FMN1: variants seen among roughly 807,000 people sequenced by gnomAD.
FMN1 encodes formin 1.
Under a neutral mutation model 132.4 loss-of-function variants are expected in FMN1, and 110 were observed. The ratio of observed to expected loss-of-function variants is 0.83; its 90% CI spans 0.71 to 0.97. The LOEUF (loss-of-function observed/expected upper bound fraction) is 0.97, where lower values mean the gene tolerates loss of function less well. Ranked by LOEUF, FMN1 falls within the 50% of genes least tolerant of loss-of-function variation. The pLI is 0.00. For missense variants in FMN1, 1,792 were observed against 1,705.3 expected (o/e 1.05, Z -0.90); for synonymous variants, 722 against 651.7 (o/e 1.11, Z -1.64).
intron 7 of FMN1, among the ~76,000 whole-genome samples, chr15:33,000,441 T>A (rs1460775126): frequency 9.0e-6 from 1 of 111,304 alleles, no homozygotes; most frequent in Non-Finnish European, 1.8e-5. Context: ...AGAGCCAGAC[T>A]CCATCTCAGG....
chr15:33,034,591 C>T (rs2036103354), intron 6 of FMN1, among the ~76,000 whole-genome samples: 1 of 151,950 alleles, frequency 6.6e-6, no homozygotes, highest in South Asian at 2.1e-4. Context: ...CAAATAAAAC[C>T]CCTGATGTCA....
At chr15:32,874,866 T>G (rs1374546598) in intron 16 of FMN1, among the ~76,000 whole-genome samples, 2 of 152,156 alleles carry the variant, frequency 1.3e-5, no homozygotes, top group African/African-American at 2.4e-5. Context: ...ACCCGGAGAT[T>G]TGATGACACT....
At chr15:32,872,301 C>T (rs1282870381) in intron 16 of FMN1, among the ~76,000 whole-genome samples, 1 of 152,186 alleles carries the variant, frequency 6.6e-6, no homozygotes, top group African/African-American at 2.4e-5. Context: ...CATATAGAGC[C>T]TATATTTTGG....
intron 6 of FMN1, among the ~76,000 whole-genome samples, chr15:33,033,124 G>A (rs1015313580): frequency 6.6e-6 from 1 of 151,948 alleles, no homozygotes; most frequent in Non-Finnish European, 1.5e-5. Context: ...TCTGCCTCCT[G>A]GGTTCACGCC....
At position 33,153,114 on chromosome 15, in the gene FMN1, C is replaced by G. The variant is rs1483924025; in HGVS notation, c.1801G>C (p.Glu601Gln). 6.5e-7 allele frequency: 1 copy of G among 1,536,022 alleles called. No individual in the cohort carries two copies. ...RAGQPRLVPG[E>Q]TLEKSLGPGK... ...GGCCCCAAGCTCTTTTCCAAAGTTT[C>G]CCCAGGCACCAACCGAGGTTGGCCT... is the stretch of plus-strand genomic sequence containing the variant. Residue 601 changes from glutamate to glutamine, a missense_variant, in exon 4 of 21, where the codon GAA becomes CAA. Glu to Gln is a conservative substitution (Grantham distance 29, BLOSUM62 2). Around this residue, in one of 3 missense-constraint regions of FMN1, gnomAD observed 1,150 missense variants for 1,043.1 expected, o/e 1.10. Transcript: ENST00000616417.
intron 9 of FMN1, among the ~76,000 whole-genome samples, chr15:32,939,505 T>C (rs897251611): frequency 6.6e-6 from 1 of 152,222 alleles, no homozygotes; most frequent in African/African-American, 2.4e-5. Flanking sequence ...TGAATGCTTT[T>C]TTAGAATCAT....
intron 6 of FMN1, among the ~76,000 whole-genome samples, 196 bp from the exon 7 acceptor site, chr15:33,008,271 C>T (rs997049327): frequency 1.3e-5 from 2 of 151,558 alleles, no homozygotes; most frequent in African/African-American, 2.4e-5. Context: ...TTTTAGCAAA[C>T]GCTGAATTAC....
At chr15:32,968,441 CTT>C (rs1474517601) in intron 8 of FMN1, among the ~76,000 whole-genome samples, 1 of 152,170 alleles carries the variant, frequency 6.6e-6, no homozygotes, top group Non-Finnish European at 1.5e-5. Flanking sequence ...GATCCGGACT[CTT>C]GTCTAGTCTG....
At chr15:32,817,510 C>T (rs2058091345) in intron 17 of FMN1, among the ~76,000 whole-genome samples, 2 of 152,080 alleles carry the variant, frequency 1.3e-5, no homozygotes, top group Admixed American at 1.3e-4. Flanking sequence ...CTGATGTTAC[C>T]AAGTATCTAG....
At chr15:32,983,659 ATC>A (rs150175203) in intron 7 of FMN1, among the ~76,000 whole-genome samples, 2,068 of 152,310 alleles carry the variant, frequency 0.014, 27 homozygotes, top group Non-Finnish European at 0.019. Context: ...CTGCAACAAA[ATC>A]TCTCTCTGTT....
chr15:32,804,515 T>A (rs1311523739), intron 17 of FMN1, among the ~76,000 whole-genome samples, 183 bp from the exon 18 acceptor site: 1 of 145,326 alleles, frequency 6.9e-6, no homozygotes, highest in East Asian at 2.5e-4. Flanking sequence ...TACCACTGCT[T>A]TTTTTTTTTT....
In FMN1 at chr15:32,772,613, G is replaced by A. The variant is rs947248102; in HGVS notation, c.*1697C>T. On this transcript the variant is annotated 3_prime_UTR_variant, in exon 21 of 21. Transcript: ENST00000616417. Reference sequence around the variant, plus strand: ...TCGGCTTTTCTGTTTTGCTTGTCTCGTTCCTTCATTGTGAATTTTAAAAAT... The same window carrying A: ...TCGGCTTTTCTGTTTTGCTTGTCTCATTCCTTCATTGTGAATTTTAAAAAT... 3 of 152,108 alleles carry A rather than the reference G, an allele frequency of 2.0e-5. No individual in the cohort carries two copies. Among genetic ancestry groups the A allele is most frequent in the Non-Finnish European group, 2.9e-5 (2 of 68,028 alleles). 9.4% of individuals were successfully genotyped at this position (152,108 alleles called of 1,614,324 possible).
intron 17 of FMN1, among the ~76,000 whole-genome samples, chr15:32,815,469 T>A (rs962645974): frequency 6.6e-6 from 1 of 152,194 alleles, no homozygotes; most frequent in African/African-American, 2.4e-5. Flanking sequence ...ACTTCATTCT[T>A]CAGACTTTAA....
chr15:33,151,442 A>G (rs1964435069), intron 4 of FMN1: 1 of 1,508,668 alleles, frequency 6.6e-7, no homozygotes, highest in Non-Finnish European at 8.9e-7. Flanking sequence ...ACATGTGATC[A>G]TCCATTCACC....
intron 7 of FMN1, among the ~76,000 whole-genome samples, chr15:33,004,856 C>G (rs995036145): frequency 4.3e-4 from 65 of 152,042 alleles, no homozygotes; most frequent in Non-Finnish European, 6.5e-4. Flanking sequence ...TACTATGCAG[C>G]CATAAAAAAT....
intron 17 of FMN1, among the ~76,000 whole-genome samples, chr15:32,819,305 G>A (rs969553774): frequency 3.9e-5 from 6 of 152,178 alleles, no homozygotes; most frequent in Non-Finnish European, 8.8e-5. Flanking sequence ...CTTCTGCTGT[G>A]TGGGAGTAGA....
intron 5 of FMN1, among the ~76,000 whole-genome samples, chr15:33,084,244 G>C (rs1456343876): frequency 6.6e-6 from 1 of 152,148 alleles, no homozygotes; most frequent in Non-Finnish European, 1.5e-5. Flanking sequence ...CTTGTGTAAG[G>C]TCCAAGAACC....
intron 13 of FMN1, 110 bp from the exon 14 acceptor site, chr15:32,900,235 C>G: frequency 8.6e-7 from 1 of 1,162,910 alleles, no homozygotes; most frequent in South Asian, 1.3e-5. Flanking sequence ...GGCTTGGTAC[C>G]AACAGAATTA....
chr15:33,018,358 A>ACT (rs1267555102), intron 6 of FMN1, among the ~76,000 whole-genome samples: 5 of 152,078 alleles, frequency 3.3e-5, no homozygotes, highest in Non-Finnish European at 7.4e-5. Context: ...AAAGACCAAG[A>ACT]CATGATTAGA....
Sources: gnomAD v4.1 joint callset for allele counts (sites outside exome capture counted in the v4.1 genomes callset) on GRCh38, gnomAD v4.1.1 for gene constraint, gnomAD v4.1.1 regional missense constraint, MANE v1.5 for transcripts, NCBI Gene and HGNC (gene_info 2026-07-23, HGNC 2026-07-21) for gene names.